Variants in KIF14 observed in about 807,000 individuals in gnomAD.
KIF14 encodes kinesin-like protein KIF14.
A neutral mutation model predicts 176.2 loss-of-function variants in KIF14; 98 were observed. The observed-to-expected ratio is 0.56, with a 90% CI of 0.47 to 0.66. The LOEUF is 0.66. KIF14 is among the 30% of genes least tolerant of loss of function. The pLI is 0.00. For missense variants in KIF14, 1,751 were observed against 1,920.4 expected, an observed-to-expected ratio of 0.91 and a Z score of 1.65; for synonymous variants, 566 against 632.2, an observed-to-expected ratio of 0.90 and a Z score of 1.57.
At position 200,553,317 on chromosome 1, in the gene KIF14, A is replaced by G; in HGVS notation, c.*71T>C. Reference sequence around the variant, plus strand: ...GCTGATTTCTCTTAAACTCTCCTGCATAAAGAAAATTACCGAGCAAGTGTT... The same window carrying G: ...GCTGATTTCTCTTAAACTCTCCTGCGTAAAGAAAATTACCGAGCAAGTGTT... On this transcript the variant is annotated 3_prime_UTR_variant, in exon 30 of 30. Transcript: ENST00000367350. 3 of 1,452,400 alleles carry G rather than the reference A, an allele frequency of 2.1e-6. No homozygotes were observed. The highest frequency in any genetic ancestry group is 2.8e-6 in the Non-Finnish European group (3 of 1,078,774). The allele number at this position is 1,452,400 out of a possible 1,614,324, so 90.0% of individuals were successfully genotyped here. A position where few individuals can be genotyped will look rare whatever the true frequency, so the allele number is the denominator to read the frequency against.
At chr1:200,572,533 C>T (rs1034065668) in intron 22 of KIF14, among the ~76,000 whole-genome samples, 5 of 151,962 alleles carry the variant, frequency 3.3e-5, no homozygotes, top group Non-Finnish European at 7.4e-5. Context: ...TTAGTAGAGA[C>T]GGGGTTTCAC....
chr1:200,566,482 A>G (rs933861337), intron 23 of KIF14, among the ~76,000 whole-genome samples: 1 of 151,562 alleles, frequency 6.6e-6, no homozygotes, highest in Non-Finnish European at 1.5e-5. Context: ...AGTTCCAGCT[A>G]CCCGGGAGGC....
In KIF14 at chr1:200,581,126, AAAAAAAAG is replaced by A. The variant is rs1658424012; in HGVS notation, c.3335+67_3335+74del. 6.7e-6 allele frequency: 5 copies of A among 745,292 alleles called. No individual in the cohort carries two copies. In the Admixed American group the frequency reaches 1.1e-4, roughly 17 times the overall value. The allele number at this position is 745,292 out of a possible 1,614,324, so 46.2% of individuals were successfully genotyped here. A position where few individuals can be genotyped will look rare whatever the true frequency, so the allele number is the denominator to read the frequency against. On this transcript the variant is annotated intron_variant, in intron 20 of 29. Coordinates refer to ENST00000367350, the MANE Select transcript of KIF14 (RefSeq NM_014875.3). ...AAGACTCTGTCTCAGAAAAAAAAAAAAAAAAAAGAGAAACTAAATGATATAAAGGCCAA... is the reference window on the plus strand; with the variant it reads ...AAGACTCTGTCTCAGAAAAAAAAAAAAGAAACTAAATGATATAAAGGCCAA...
At chr1:200,560,901 A>G in intron 25 of KIF14, 21 bp from the exon 26 acceptor site, 1 of 1,603,454 alleles carries the variant, frequency 6.2e-7, no homozygotes, top group Non-Finnish European at 8.5e-7. Context: ...AAAATGGACA[A>G]GTGTATCAGA....
At chr1:200,610,308 G>A (rs1228439854) in intron 4 of KIF14, among the ~76,000 whole-genome samples, 1 of 151,994 alleles carries the variant, frequency 6.6e-6, no homozygotes, top group Admixed American at 6.6e-5. Context: ...AGACCATCCT[G>A]GCTAACACGG....
intron 21 of KIF14, among the ~76,000 whole-genome samples, chr1:200,578,098 GT>G (rs1321426972): frequency 6.6e-6 from 1 of 151,890 alleles, no homozygotes; most frequent in Non-Finnish European, 1.5e-5. Flanking sequence ...TTAGCATAAA[GT>G]TTTATAGGTA....
chr1:200,583,094 C>G (rs1233297835), intron 19 of KIF14, among the ~76,000 whole-genome samples: 1 of 151,958 alleles, frequency 6.6e-6, no homozygotes, highest in Admixed American at 6.6e-5. Flanking sequence ...GACAAATCAT[C>G]TGATTTCTTC....
At chr1:200,614,427 AG>A in intron 3 of KIF14, 22 bp from the exon 4 acceptor site, 8 of 1,388,258 alleles carry the variant, frequency 5.8e-6, no homozygotes, top group Non-Finnish European at 8.1e-6. Context: ...ATTATGAATA[AG>A]GGGGAAATAA....
intron 23 of KIF14, among the ~76,000 whole-genome samples, chr1:200,566,658 C>T (rs538829514): frequency 6.6e-6 from 1 of 151,514 alleles, no homozygotes; most frequent in Admixed American, 6.6e-5. Context: ...AGTGGTTACT[C>T]ACAAGCGTGA....
intron 1 of KIF14, among the ~76,000 whole-genome samples, chr1:200,619,088 C>T (rs1055850600): frequency 6.6e-6 from 1 of 152,160 alleles, no homozygotes; most frequent in African/African-American, 2.4e-5. Context: ...ACTTCAAAGA[C>T]AAGAATACAA....
At chr1:200,601,230 G>C (rs1659610364) in intron 11 of KIF14, among the ~76,000 whole-genome samples, 2 of 152,064 alleles carry the variant, frequency 1.3e-5, no homozygotes, top group Admixed American at 1.3e-4. Context: ...GAAACAGAAG[G>C]GATCCAAAAG....
Position 200,596,888 on chromosome 1 carries a change from C to CTTT in KIF14, c.2549+1346_2549+1348dup, listed in dbSNP as rs993346438. 2.4e-3 allele frequency among the ~76,000 whole-genome samples: 234 copies of CTTT among 99,228 alleles called. 1 individual carries two copies. The highest frequency in any genetic ancestry group is 4.7e-3 in the African/African-American group (113 of 23,872). The allele number at this position is 99,228 out of a possible 152,430, so 65.1% of individuals were successfully genotyped here. A position where few individuals can be genotyped will look rare whatever the true frequency, so the allele number is the denominator to read the frequency against. On this transcript the variant is annotated intron_variant, in intron 14 of 29. Coordinates refer to ENST00000367350, the MANE Select transcript of KIF14 (RefSeq NM_014875.3). Reference sequence around the variant, plus strand: ...CAGAACACTCTATCTCTCTCTCTCTCTTTTTTTTTTTTTTTTTTTTTTTTT... The same window carrying CTTT: ...CAGAACACTCTATCTCTCTCTCTCTCTTTTTTTTTTTTTTTTTTTTTTTTTTTT...
At chr1:200,581,612 A>G (rs1467599118) in intron 19 of KIF14, among the ~76,000 whole-genome samples, 1 of 151,946 alleles carries the variant, frequency 6.6e-6, no homozygotes, top group Non-Finnish European at 1.5e-5. Flanking sequence ...CTCATTTCTA[A>G]ATTATTTCAA....
Position 200,560,962 on chromosome 1 carries a change from G to A in KIF14, c.4072-82C>T, listed in dbSNP as rs1220543087. The A allele has an allele frequency of 5.3e-5, 68 of 1,293,602 alleles. No homozygotes were observed. In the East Asian group the frequency reaches 6.5e-4, roughly 12 times the overall value. The allele number at this position is 1,293,602 out of a possible 1,614,324, so 80.1% of individuals were successfully genotyped here. On this transcript the variant is annotated intron_variant, in intron 25 of 29. Transcript: ENST00000367350. ...AGAAAAGATAAGGGCCGGGCACAGCGGCTCACGCCTGTAATTCCAGCAGTT... is the reference window on the plus strand; with the variant it reads ...AGAAAAGATAAGGGCCGGGCACAGCAGCTCACGCCTGTAATTCCAGCAGTT...
chr1:200,590,167 T>A lies in KIF14; in HGVS notation c.2919A>T (p.Lys973Asn). ...EMAQQELSSQ[K>N]AAYESKIKAL... ...CTTTTATTTTGCTTTCATATGCAGC[T>A]TTTTGAGAAGAAAGCTCTTGCTGAG... Residue 973 changes from lysine to asparagine, a missense_variant, in exon 17 of 30, where the codon AAA becomes AAT. Physicochemically the swap from Lys to Asn is moderately conservative, Grantham distance 94. Transcript: ENST00000367350. 1 of 1,613,028 alleles carries A rather than the reference T, an allele frequency of 6.2e-7. No individual in the cohort carries two copies. The highest frequency in any genetic ancestry group is 8.5e-7 in the Non-Finnish European group (1 of 1,179,844).
At chr1:200,582,291 T>C (rs12565897) in intron 19 of KIF14, among the ~76,000 whole-genome samples, 1 of 152,104 alleles carries the variant, frequency 6.6e-6, no homozygotes, top group Non-Finnish European at 1.5e-5. Context: ...AGAGGATCAC[T>C]TGAGCCCAGG....
Position 200,559,345 on chromosome 1 carries a change from C to G in KIF14, c.4338G>C (p.Gln1446His). The change falls in exon 27 of 30, where the codon CAG (glutamine) becomes CAC (histidine). Residue 1446 changes from glutamine to histidine, a missense_variant. By Grantham distance (24) the Gln-to-His change is conservative. Coordinates refer to ENST00000367350, the MANE Select transcript of KIF14 (RefSeq NM_014875.3). ...TTCATCTTACCTCATTTTTTGTACACTGCCTAAAGAGTTCATGCTGAAGTT... is the reference window on the plus strand; with the variant it reads ...TTCATCTTACCTCATTTTTTGTACAGTGCCTAAAGAGTTCATGCTGAAGTT... ...AKELQHELFR[Q>H]CTKNEVTKEM... The G allele has an allele frequency of 6.4e-7, 1 of 1,565,658 alleles. No individual in the cohort carries two copies. The highest frequency in any genetic ancestry group is 1.2e-5 in the South Asian group (1 of 82,132).
intron 11 of KIF14, among the ~76,000 whole-genome samples, chr1:200,601,545 T>C (rs1328116673): frequency 6.6e-6 from 1 of 152,196 alleles, no homozygotes. Flanking sequence ...GCAGAGCTAG[T>C]ACATAAAACG....
chr1:200,610,902 G>T (rs910097613), intron 4 of KIF14, among the ~76,000 whole-genome samples: 1 of 152,110 alleles, frequency 6.6e-6, no homozygotes, highest in Non-Finnish European at 1.5e-5. Context: ...GGGCATTCTC[G>T]GGCAAGGACA....
Sources: allele counts gnomAD v4.1 joint callset (sites outside exome capture counted in the v4.1 genomes callset), GRCh38; gene constraint gnomAD v4.1.1; transcripts MANE v1.5; gene names NCBI Gene and HGNC (gene_info 2026-07-23, HGNC 2026-07-21).